The following SUSD4 variants were observed in gnomAD, a reference collection of about 807,000 sequenced individuals.
SUSD4 encodes the protein sushi domain containing 4.
In SUSD4, 41 loss-of-function variants were observed where a neutral mutation model predicts 50.5. The ratio of observed to expected loss-of-function variants is 0.81; its 90% CI spans 0.63 to 1.05. SUSD4 has a LOEUF of 1.05. SUSD4 is among the 50% of genes least tolerant of loss of function. The pLI, the probability that SUSD4 is intolerant of heterozygous loss-of-function variation, is 0.00. For missense variants in SUSD4, 580 were observed against 634.7 expected, an observed-to-expected ratio of 0.91 and a Z score of 0.93; for synonymous variants, 257 against 257.3, an observed-to-expected ratio of 1.00 and a Z score of 0.01.
chr1:223,263,001 T>C (rs1362473901), intron 5 of SUSD4, among the ~76,000 whole-genome samples: 1 of 152,204 alleles, frequency 6.6e-6, no homozygotes, highest in African/African-American at 2.4e-5. Context: ...CCAATCATAT[T>C]CTCTAGTCTC....
chr1:223,343,439 T>A (rs1194019715), intron 2 of SUSD4, among the ~76,000 whole-genome samples: 2 of 152,232 alleles, frequency 1.3e-5, no homozygotes, highest in African/African-American at 4.8e-5. Flanking sequence ...GACCAGTGCA[T>A]GTGCAGCACG....
intron 6 of SUSD4, among the ~76,000 whole-genome samples, chr1:223,228,350 T>C (rs1659665676): frequency 6.6e-6 from 1 of 152,178 alleles, no homozygotes; most frequent in Admixed American, 6.5e-5. Flanking sequence ...AGACACTCTC[T>C]TTGCACTTCT....
At chr1:223,264,209 C>G in intron 5 of SUSD4, 1 of 985,244 alleles carries the variant, frequency 1.0e-6, no homozygotes, top group Non-Finnish European at 1.2e-6. Context: ...GTGCTTGCAG[C>G]AAAACATTTA....
At chr1:223,327,954 G>A (rs1365908233) in intron 2 of SUSD4, among the ~76,000 whole-genome samples, 3 of 152,196 alleles carry the variant, frequency 2.0e-5, no homozygotes, top group South Asian at 2.1e-4. Flanking sequence ...CCCCAGGAAA[G>A]AGTACAGTAG....
intron 2 of SUSD4, among the ~76,000 whole-genome samples, chr1:223,301,524 ACTTGAAGAAGTCCCTT>A (rs1665194152): frequency 1.3e-5 from 2 of 152,200 alleles, no homozygotes; most frequent in Non-Finnish European, 2.9e-5. Flanking sequence ...GATGTGGTAA[ACTTGAAGAAGTCCCTT>A]CTTGACCCAC....
chr1:223,263,942 T>C (rs1040220377), intron 5 of SUSD4: 8 of 985,420 alleles, frequency 8.1e-6, no homozygotes, highest in Non-Finnish European at 9.6e-6. Flanking sequence ...GAGAAACACA[T>C]TGGAGCTTGT....
At chr1:223,302,232 A>G (rs1238384916) in intron 2 of SUSD4, among the ~76,000 whole-genome samples, 1 of 152,232 alleles carries the variant, frequency 6.6e-6, no homozygotes, top group Non-Finnish European at 1.5e-5. Flanking sequence ...AAGCCTGTAC[A>G]GCCTGCAGAA....
intron 4 of SUSD4, among the ~76,000 whole-genome samples, chr1:223,265,765 G>C (rs962913322): frequency 6.6e-6 from 1 of 152,224 alleles, no homozygotes; most frequent in Non-Finnish European, 1.5e-5. Flanking sequence ...CTGTGATCAG[G>C]GCATTTCTTA....
rs998593711 is a variant in SUSD4, at chr1:223,227,610, C to T, written c.1045G>A (p.Ala349Thr). 6.2e-7 allele frequency: 1 copy of T among 1,613,814 alleles called. No individual in the cohort carries two copies. ...GACACTGACCTGGGGGGAAAGTGGG[C>T]CTTGAACTTGGTCTGGAACATCCTG... ...LARMFQTKFK[A>T]HFPPRGPPRS... Residue 349 changes from alanine to threonine, a missense_variant, in exon 7 of 9, where the codon GCC (alanine) becomes ACC (threonine). By Grantham distance (58) the Ala-to-Thr change is moderately conservative. Transcript: ENST00000366878. This position sits in a 1 kb window ranked among gnomAD's most constrained non-coding sequence, Gnocchi z 4.5.
rs138137506 is a variant in SUSD4 at position 223,306,683 on chromosome 1, G to A, written c.149-14032C>T. ...ATTTTTTATGTTTTTGGTAGAGACA[G>A]AATTTTGTCATGTTGCCCAAGCTGG... On this transcript the variant is annotated intron_variant, in intron 2 of 8. Transcript: ENST00000366878. Among the ~76,000 whole-genome samples, 109 of 152,270 alleles carry A rather than the reference G, an allele frequency of 7.2e-4. 1 individual carries two copies. The highest frequency in any genetic ancestry group is 2.4e-3 in the African/African-American group (98 of 41,572).
intron 5 of SUSD4, among the ~76,000 whole-genome samples, chr1:223,256,880 G>T (rs551020356): frequency 1.3e-5 from 2 of 152,164 alleles, no homozygotes; most frequent in African/African-American, 4.8e-5. Context: ...CACAGGGGCC[G>T]GTTGCTGTGG....
intron 4 of SUSD4, among the ~76,000 whole-genome samples, chr1:223,268,013 T>TA (rs1553291074): frequency 0.023 from 1,209 of 53,344 alleles, 112 homozygotes; most frequent in African/African-American, 0.1. Flanking sequence ...CATGCATTTT[T>TA]TATATATATA....
chr1:223,332,803 T>G lies in SUSD4; in HGVS notation c.148+30475A>C, dbSNP rs191184857. Among the ~76,000 whole-genome samples the G allele has an allele frequency of 3.8e-3, 575 of 152,236 alleles. 3 individuals carry two copies. Among genetic ancestry groups the G allele is most frequent in the Middle Eastern group, 0.01 (3 of 294 alleles). On this transcript the variant is annotated intron_variant, in intron 2 of 8. Coordinates refer to ENST00000366878, the MANE Select transcript of SUSD4 (RefSeq NM_017982.4). This position sits in a 1 kb window ranked among gnomAD's most constrained non-coding sequence, Gnocchi z 4.0. ...GTTTGCTCCTTCTCTGTCCTGCCCCTGTCCTTTATGCCTACCTCCAGCTAA... is the reference window on the plus strand; with the variant it reads ...GTTTGCTCCTTCTCTGTCCTGCCCCGGTCCTTTATGCCTACCTCCAGCTAA...
intron 3 of SUSD4, among the ~76,000 whole-genome samples, chr1:223,277,804 A>G (rs1006618866): frequency 2.6e-5 from 4 of 152,268 alleles, no homozygotes; most frequent in African/African-American, 9.6e-5. Context: ...AAATGACAAC[A>G]CTGACATTTC....
At chr1:223,239,095 T>C (rs766824784) in intron 5 of SUSD4, among the ~76,000 whole-genome samples, 5 of 152,064 alleles carry the variant, frequency 3.3e-5, no homozygotes, top group Non-Finnish European at 7.4e-5. Flanking sequence ...TTCTTTATCA[T>C]TGATAACTTT....
chr1:223,337,250 G>A (rs771017763), intron 2 of SUSD4, among the ~76,000 whole-genome samples: 1 of 152,210 alleles, frequency 6.6e-6, no homozygotes, highest in East Asian at 1.9e-4. Flanking sequence ...GAGCTCAAAT[G>A]TCAGTAGAAT....
intron 2 of SUSD4, among the ~76,000 whole-genome samples, chr1:223,300,335 G>A (rs1257427804): frequency 6.6e-6 from 1 of 152,210 alleles, no homozygotes; most frequent in Non-Finnish European, 1.5e-5. Flanking sequence ...CAAAAACTGT[G>A]TGAGTAACAG....
At chr1:223,287,651 A>C (rs1009599024) in intron 3 of SUSD4, among the ~76,000 whole-genome samples, 1 of 152,116 alleles carries the variant, frequency 6.6e-6, no homozygotes, top group Non-Finnish European at 1.5e-5. Flanking sequence ...ACTCTCACTT[A>C]AACAAGCTAT....
chr1:223,232,287 G>T (rs952428685), intron 5 of SUSD4, among the ~76,000 whole-genome samples: 1 of 152,174 alleles, frequency 6.6e-6, no homozygotes, highest in African/African-American at 2.4e-5. Flanking sequence ...TTATACACTG[G>T]AAATTCACTA....
Sources: gnomAD v4.1 joint callset for allele counts (sites outside exome capture counted in the v4.1 genomes callset) on GRCh38, gnomAD v4.1.1 for gene constraint, Gnocchi (gnomAD v3.1) non-coding constraint, MANE v1.5 for transcripts, NCBI Gene and HGNC (gene_info 2026-07-23, HGNC 2026-07-21) for gene names.